The following PPP2R2C variants were observed in gnomAD, a reference collection of about 807,000 sequenced individuals.
PPP2R2C encodes protein phosphatase 2, regulatory subunit B, gamma.
Under a neutral mutation model 45.3 loss-of-function variants are expected in PPP2R2C, and 10 were observed. The ratio of observed to expected loss-of-function variants is 0.22; its 90% confidence interval spans 0.14 to 0.37. The LOEUF (loss-of-function observed/expected upper bound fraction) is 0.37, where lower values mean the gene tolerates loss of function less well. Among genes scored for constraint, PPP2R2C ranks in the 10% least tolerant of loss-of-function variants. The probability of loss-of-function intolerance (pLI) is 1.00; values close to 1 mark genes in which losing one functional copy is unlikely to be tolerated. For missense variants in PPP2R2C, 308 were observed against 619.7 expected (o/e 0.50, Z 5.34); for synonymous variants, 257 against 245.4 (o/e 1.05, Z -0.44).
intron 6 of PPP2R2C, among the ~76,000 whole-genome samples, chr4:6,340,866 C>G (rs903285279): frequency 5.9e-5 from 9 of 152,262 alleles, no homozygotes; most frequent in African/African-American, 2.2e-4. Context: ...CTGACCTCAC[C>G]TCCTCTCTCC....
chr4:6,334,559 C>CT (rs1387085734), intron 6 of PPP2R2C, among the ~76,000 whole-genome samples: 3 of 152,132 alleles, frequency 2.0e-5, no homozygotes, highest in Non-Finnish European at 2.9e-5. Context: ...CTGCTGGTAT[C>CT]TGTCTCACTG....
chr4:6,396,316 G>C (rs1483560163), intron 1 of PPP2R2C, among the ~76,000 whole-genome samples: 2 of 152,336 alleles, frequency 1.3e-5, no homozygotes, highest in South Asian at 4.1e-4. Context: ...GTCAGGCCAT[G>C]CCTTGTACCT....
At position 6,389,835 on chromosome 4, in the gene PPP2R2C, C is replaced by T. The variant is rs536923281; in HGVS notation, c.71-8741G>A. Among the ~76,000 whole-genome samples the T allele has an allele frequency of 5.3e-5, 8 of 152,290 alleles. No homozygotes were observed. In the East Asian group the frequency reaches 5.8e-4, roughly 11 times the overall value. On this transcript the variant is annotated intron_variant, in intron 1 of 8. Coordinates refer to ENST00000382599, the MANE Select transcript of PPP2R2C (RefSeq NM_020416.4). Reference sequence around the variant, plus strand: ...ACAGAGAAGACAACTTGCCAACAGCCGCTCAGCTAGTAAGGGCAGGGGAGA... The same window carrying T: ...ACAGAGAAGACAACTTGCCAACAGCTGCTCAGCTAGTAAGGGCAGGGGAGA...
intron 1 of PPP2R2C, chr4:6,384,864 G>A: frequency 1.0e-6 from 1 of 985,332 alleles, no homozygotes; most frequent in Non-Finnish European, 1.2e-6. Context: ...GCAGACAGAA[G>A]TGCTGGTTGG....
chr4:6,422,375 G>A (rs1719035464), intron 1 of PPP2R2C, among the ~76,000 whole-genome samples: 1 of 152,214 alleles, frequency 6.6e-6, no homozygotes, highest in African/African-American at 2.4e-5. Flanking sequence ...TCCGGCAAAC[G>A]AGTTCACCTC....
At chr4:6,456,072 C>T (rs73207830) in intron 1 of PPP2R2C, among the ~76,000 whole-genome samples, 14,437 of 152,218 alleles carry the variant, frequency 0.095, 797 homozygotes, top group Non-Finnish European at 0.13. Context: ...CAACACTAAT[C>T]GGATCAATGA....
chr4:6,376,717 G>A (rs996317392), intron 3 of PPP2R2C, among the ~76,000 whole-genome samples: 2 of 152,176 alleles, frequency 1.3e-5, no homozygotes, highest in African/African-American at 2.4e-5. Flanking sequence ...GCCTCCCAAA[G>A]TGCTGAGATT....
At chr4:6,401,330 C>T (rs1054860457) in intron 1 of PPP2R2C, among the ~76,000 whole-genome samples, 2 of 152,058 alleles carry the variant, frequency 1.3e-5, no homozygotes, top group African/African-American at 2.4e-5. Flanking sequence ...AAGCTGTTTC[C>T]GAGTATTGTC....
intron 5 of PPP2R2C, among the ~76,000 whole-genome samples, chr4:6,369,778 G>A (rs1285612844): frequency 6.6e-6 from 1 of 152,182 alleles, no homozygotes. Context: ...CAGACCCTGG[G>A]CTACAGCAAG....
At chr4:6,454,459 C>T (rs1720906919) in intron 1 of PPP2R2C, among the ~76,000 whole-genome samples, 1 of 152,122 alleles carries the variant, frequency 6.6e-6, no homozygotes, top group African/African-American at 2.4e-5. Flanking sequence ...TCGAAGGAGT[C>T]CAACTGCCCT....
At chr4:6,355,397 T>C (rs1283392931) in intron 5 of PPP2R2C, among the ~76,000 whole-genome samples, 4 of 151,938 alleles carry the variant, frequency 2.6e-5, no homozygotes, top group Non-Finnish European at 5.9e-5. Flanking sequence ...AGGGATAGCA[T>C]TGGGAGATAG....
At chr4:6,524,004 C>G (rs1324298366) in intron 2 of PPP2R2C, among the ~76,000 whole-genome samples, 8 of 152,124 alleles carry the variant, frequency 5.3e-5, no homozygotes, top group Admixed American at 3.3e-4. Context: ...ACCTCCGCCT[C>G]CCAGGTTGAA....
At chr4:6,410,030 GC>G (rs1159651413) in intron 1 of PPP2R2C, among the ~76,000 whole-genome samples, 38 of 152,174 alleles carry the variant, frequency 2.5e-4, no homozygotes, top group Admixed American at 1.4e-3. Context: ...TCCCTCAGAG[GC>G]CTTTACTTAA....
At chr4:6,548,697 G>A (rs1055871277) in intron 1 of PPP2R2C, among the ~76,000 whole-genome samples, 20 of 152,212 alleles carry the variant, frequency 1.3e-4, no homozygotes, top group Admixed American at 3.3e-4. Context: ...CCTGGTGTGT[G>A]CAGAAATGGG....
chr4:6,438,934 G>T (rs527611562), intron 1 of PPP2R2C, among the ~76,000 whole-genome samples: 35 of 152,316 alleles, frequency 2.3e-4, no homozygotes, highest in African/African-American at 8.2e-4. Flanking sequence ...GACAGAGCAT[G>T]ATCAGATTGA....
At chr4:6,505,314 C>T (rs1443186605) in intron 2 of PPP2R2C, among the ~76,000 whole-genome samples, 2 of 152,126 alleles carry the variant, frequency 1.3e-5, no homozygotes, top group Non-Finnish European at 2.9e-5. Flanking sequence ...GGAAGTTCTT[C>T]AGAATGGAAA....
chr4:6,481,343 G>A (rs1301648063), intron 2 of PPP2R2C, among the ~76,000 whole-genome samples: 1 of 152,216 alleles, frequency 6.6e-6, no homozygotes, highest in Non-Finnish European at 1.5e-5. Flanking sequence ...TGTTTGGGGT[G>A]AGGCAGTGAT....
chr4:6,467,924 A>C (rs1721672090), intron 1 of PPP2R2C, among the ~76,000 whole-genome samples: 1 of 152,080 alleles, frequency 6.6e-6, no homozygotes, highest in African/African-American at 2.4e-5. Context: ...CAAGAGAGGG[A>C]CCAACTACCT....
intron 1 of PPP2R2C, among the ~76,000 whole-genome samples, chr4:6,455,449 C>A (rs1248730612): frequency 6.6e-6 from 1 of 152,178 alleles, no homozygotes; most frequent in Non-Finnish European, 1.5e-5. Context: ...TCTAGTCACA[C>A]TCCTGTGGTC....
Sources: allele counts gnomAD v4.1 joint callset (sites outside exome capture counted in the v4.1 genomes callset), GRCh38; gene constraint gnomAD v4.1.1; transcripts MANE v1.5; gene names NCBI Gene and HGNC (gene_info 2026-07-23, HGNC 2026-07-21).